Variants in KCNH4 observed in about 807,000 individuals in gnomAD.
KCNH4 encodes the protein voltage-gated delayed rectifier potassium channel KCNH4.
In KCNH4, 33 loss-of-function variants were observed where a neutral mutation model predicts 90.7. The ratio of observed to expected loss-of-function variants is 0.36; its 90% CI spans 0.28 to 0.49. The LOEUF (loss-of-function observed/expected upper bound fraction) is 0.49. Among genes scored for constraint, KCNH4 ranks in the 20% least tolerant of loss-of-function variants. The probability of loss-of-function intolerance (pLI) is 0.98; values close to 1 mark genes in which losing one functional copy is unlikely to be tolerated. For missense variants in KCNH4, 1,044 were observed against 1,387.1 expected, an observed-to-expected ratio of 0.75 and a Z score of 3.93; for synonymous variants, 551 against 581.7, an observed-to-expected ratio of 0.95 and a Z score of 0.76.
Position 42,163,539 on chromosome 17 carries a change from T to C in KCNH4, c.2477+67A>G, listed in dbSNP as rs2079763505. 3.7e-6 allele frequency: 3 copies of C among 820,584 alleles called. No individual in the cohort carries two copies. Among genetic ancestry groups the C allele is most frequent in the South Asian group, 3.4e-5 (2 of 58,214 alleles). 50.8% of individuals were successfully genotyped at this position (820,584 alleles called of 1,614,324 possible). Reference sequence around the variant, plus strand: ...GTAGCACTGTTTGGAACGCCAGGGATAGAGCCCAGAGAAGGTTCTGGAAGC... The same window carrying C: ...GTAGCACTGTTTGGAACGCCAGGGACAGAGCCCAGAGAAGGTTCTGGAAGC... On this transcript the variant is annotated intron_variant, in intron 13 of 16. Coordinates refer to ENST00000264661, the MANE Select transcript of KCNH4 (RefSeq NM_012285.3). The surrounding 1 kb of genome is among the most constrained non-coding windows in gnomAD (Gnocchi z 5.4).
Position 42,164,609 on chromosome 17 carries a change from C to A in KCNH4, c.2086-441G>T, listed in dbSNP as rs553122825. ...CCTGAGGTCAGGAGTTCGAGACCAG[C>A]CTGGCCAACATGGCGAAACCCCATC... On this transcript the variant is annotated intron_variant, in intron 11 of 16. Coordinates refer to ENST00000264661, the MANE Select transcript of KCNH4 (RefSeq NM_012285.3). 3.3e-5 allele frequency among the ~76,000 whole-genome samples: 5 copies of A among 151,946 alleles called. No individual in the cohort carries two copies. The South Asian group carries it at 8.3e-4, about 25-fold the overall frequency.
intron 14 of KCNH4, 52 bp from the exon 15 acceptor site, chr17:42,162,373 T>C: frequency 6.7e-7 from 1 of 1,502,364 alleles, no homozygotes; most frequent in Non-Finnish European, 9.2e-7. Flanking sequence ...TACCTGAGCC[T>C]ATAACTTGGG....
intron 11 of KCNH4, 149 bp downstream of exon 11, chr17:42,165,300 G>A (rs2079779156): frequency 1.0e-6 from 1 of 991,982 alleles, no homozygotes; most frequent in Admixed American, 2.2e-5. Flanking sequence ...TGGAAGGTAT[G>A]AAGCAGGTAA....
At chr17:42,176,578 A>C (rs968931920) in intron 4 of KCNH4, among the ~76,000 whole-genome samples, 20 of 125,536 alleles carry the variant, frequency 1.6e-4, no homozygotes. Flanking sequence ...GCTGGAGTGC[A>C]AGGGCATGAT....
chr17:42,164,188 T>G lies in KCNH4; in HGVS notation c.2086-20A>C, dbSNP rs1598269201. The G allele has an allele frequency of 6.5e-7, 1 of 1,528,450 alleles. No individual in the cohort carries two copies. The highest frequency in any genetic ancestry group is 1.2e-5 in the South Asian group (1 of 81,520). The allele number at this position is 1,528,450 out of a possible 1,614,324, so 94.7% of individuals were successfully genotyped here. On this transcript the variant is annotated intron_variant, in intron 11 of 16. Coordinates refer to ENST00000264661, the MANE Select transcript of KCNH4 (RefSeq NM_012285.3). ...GAGGCCCTGTGGGGACATAGGAGAG[T>G]TCAAGCTGATTCCTGCCTTCCCGCG... is the stretch of plus-strand genomic sequence containing the variant.
chr17:42,166,209 C>T, intron 10 of KCNH4, 88 bp downstream of exon 10: 1 of 1,469,600 alleles, frequency 6.8e-7, no homozygotes, highest in Non-Finnish European at 9.1e-7. Context: ...GTATCCCATT[C>T]CCTAGAATCC....
chr17:42,175,803 A>G (rs1035932013), intron 5 of KCNH4, 67 bp from the exon 6 acceptor site: 2 of 1,575,742 alleles, frequency 1.3e-6, no homozygotes, highest in African/African-American at 2.7e-5. Flanking sequence ...CAAAGCTGGG[A>G]ACAAGCTTTG....
intron 4 of KCNH4, 124 bp from the exon 5 acceptor site, chr17:42,176,421 A>G (rs2144140431): frequency 5.9e-6 from 5 of 849,932 alleles, no homozygotes; most frequent in South Asian, 3.2e-5. Flanking sequence ...TTGACCATGA[A>G]TGAAAGGAGA....
chr17:42,171,416 T>C (rs544097777), intron 7 of KCNH4, among the ~76,000 whole-genome samples: 1 of 152,166 alleles, frequency 6.6e-6, no homozygotes, highest in African/African-American at 2.4e-5. Context: ...TCCTGGCTCA[T>C]GGCCATGAAG....
intron 6 of KCNH4, among the ~76,000 whole-genome samples, chr17:42,173,888 G>C (rs890315683): frequency 6.6e-6 from 1 of 151,528 alleles, no homozygotes; most frequent in African/African-American, 2.4e-5. Context: ...ATTTTTAGTA[G>C]AGACAGGATT....
At chr17:42,164,316 A>C (rs1052967888) in intron 11 of KCNH4, 148 bp from the exon 12 acceptor site, 6 of 683,432 alleles carry the variant, frequency 8.8e-6, no homozygotes, top group Non-Finnish European at 1.4e-5. Context: ...TAACTCAAAC[A>C]AACACTGCAT....
In KCNH4 at chr17:42,163,291, G is replaced by C; in HGVS notation, c.2521C>G (p.Pro841Ala). ...IEDSGSTAEA[P>A]SFRFSRRPEL... ...GGCCTCCTGCTGAATCGGAATGAAG[G>C]GGCCTCAGCTGTGCTGCCAGAGTCC... Residue 841 changes from proline to alanine, a missense_variant, in exon 14 of 17, where the codon CCT (proline) becomes GCT (alanine). By Grantham distance (27) the Pro-to-Ala change is conservative. Around this residue, in one of 4 missense-constraint regions of KCNH4, gnomAD observed 441 missense variants for 512.3 expected, o/e 0.86. Coordinates refer to ENST00000264661, the MANE Select transcript of KCNH4 (RefSeq NM_012285.3). The surrounding 1 kb of genome is among the most constrained non-coding windows in gnomAD (Gnocchi z 5.4). The C allele has an allele frequency of 6.2e-7, 1 of 1,614,080 alleles. No homozygotes were observed. The highest frequency in any genetic ancestry group is 8.5e-7 in the Non-Finnish European group (1 of 1,180,030).
At chr17:42,170,357 G>C (rs553418692) in intron 7 of KCNH4, 56 bp from the exon 8 acceptor site, 1 of 1,479,358 alleles carries the variant, frequency 6.8e-7, no homozygotes, top group East Asian at 2.4e-5. Context: ...GAGAACCAGG[G>C]TTCCCTGAGC....
chr17:42,177,664 G>A (rs1374735512), intron 4 of KCNH4, among the ~76,000 whole-genome samples: 1 of 152,200 alleles, frequency 6.6e-6, no homozygotes, highest in Non-Finnish European at 1.5e-5. Context: ...CGCATTCCCT[G>A]TATCCCTAAC....
chr17:42,158,743 G>A (rs1328572830), intron 16 of KCNH4, among the ~76,000 whole-genome samples: 2 of 150,914 alleles, frequency 1.3e-5, no homozygotes, highest in African/African-American at 4.9e-5. Context: ...CCTGAGGCAG[G>A]AGAATGGCAT....
intron 2 of KCNH4, 122 bp downstream of exon 2, chr17:42,178,671 G>C: frequency 7.2e-6 from 8 of 1,118,542 alleles, no homozygotes; most frequent in Non-Finnish European, 1.0e-5. Flanking sequence ...TCAGGGATAC[G>C]CTCCGTCACA....
intron 9 of KCNH4, among the ~76,000 whole-genome samples, chr17:42,167,675 T>C (rs2079797551): frequency 6.6e-6 from 1 of 152,138 alleles, no homozygotes; most frequent in South Asian, 2.1e-4. Flanking sequence ...CCAAAGCCCA[T>C]CTTCCCCCTG....
Position 42,169,595 on chromosome 17 carries a change from C to T in KCNH4, c.1472G>A (p.Arg491His), listed in dbSNP as rs758564567. 44 of 1,613,844 alleles carry T rather than the reference C, an allele frequency of 2.7e-5. No homozygotes were observed. The highest frequency in any genetic ancestry group is 5.3e-5 in the African/African-American group (4 of 74,940). ...GATGAAGTCCTTGAGGTCCTTCATGCGGCTGTGGTAGAGCGAGCGGCGCGA... is the reference window on the plus strand; with the variant it reads ...GATGAAGTCCTTGAGGTCCTTCATGTGGCTGTGGTAGAGCGAGCGGCGCGA... ...MYSRRSLYHS[R>H]MKDLKDFIRV... Residue 491 changes from arginine (R) to histidine (H), a missense_variant, in exon 9 of 17, where the codon CGC becomes CAC. Transcript: ENST00000264661.
At chr17:42,158,530 C>CA (rs554370674) in intron 16 of KCNH4, among the ~76,000 whole-genome samples, 15,979 of 100,024 alleles carry the variant, frequency 0.16, 1,198 homozygotes, top group East Asian at 0.43. Flanking sequence ...GACTCCGTCT[C>CA]AAAAAAAAAA....
Sources: allele counts gnomAD v4.1 joint callset (sites outside exome capture counted in the v4.1 genomes callset), GRCh38; gene constraint gnomAD v4.1.1; regional missense constraint gnomAD v4.1.1; non-coding constraint Gnocchi (gnomAD v3.1); transcripts MANE v1.5; gene names NCBI Gene and HGNC (gene_info 2026-07-23, HGNC 2026-07-21).